FAM83F: variants seen among roughly 807,000 people sequenced by gnomAD.
FAM83F encodes scaffolding CK1 anchoring protein F.
Under a neutral mutation model 42.9 loss-of-function variants are expected in FAM83F, and 45 were observed. That is an observed-to-expected ratio of 1.05 (90% confidence interval 0.83 to 1.35). FAM83F has a LOEUF of 1.35. Ranked by LOEUF, FAM83F falls within the 40% of genes most tolerant of loss-of-function variation. The pLI, the probability that FAM83F is intolerant of heterozygous loss-of-function variation, is 0.00. For synonymous variants in FAM83F, 306 were observed against 298.3 expected, an observed-to-expected ratio of 1.03 and a Z score of -0.27; for missense variants, 617 against 695.9, an observed-to-expected ratio of 0.89 and a Z score of 1.28.
chr22:40,007,575 TC>T (rs1569231172), intron 1 of FAM83F, among the ~76,000 whole-genome samples: 1 of 51,742 alleles, frequency 1.9e-5, no homozygotes, highest in Non-Finnish European at 3.8e-5. Context: ...CCTCCTCCTC[TC>T]CTCTCCTCCT....
chr22:40,018,192 A>T (rs979079163), intron 1 of FAM83F, among the ~76,000 whole-genome samples: 13 of 152,190 alleles, frequency 8.5e-5, no homozygotes, highest in African/African-American at 3.1e-4. Context: ...AGGCCAAGGG[A>T]ATCCAAGCCA....
intron 4 of FAM83F, among the ~76,000 whole-genome samples, chr22:40,025,128 C>T (rs1011372154): frequency 3.9e-5 from 6 of 152,180 alleles, no homozygotes; most frequent in Non-Finnish European, 4.4e-5. Flanking sequence ...CCTTGGTAAA[C>T]ATGCAACGAG....
Position 40,035,406 on chromosome 22 carries a change from T to C in FAM83F, c.*5841T>C, listed in dbSNP as rs536905892. ...AGAAAACCATGCGTCATGATTCTTA[T>C]TTCCTGCTCGCAGCTTTGACTCTCT... On this transcript the variant is annotated 3_prime_UTR_variant, in exon 5 of 5. Transcript: ENST00000333407. 11 of 152,354 alleles carry C rather than the reference T, an allele frequency of 7.2e-5. No homozygotes were observed. Among genetic ancestry groups the C allele is most frequent in the African/African-American group, 2.6e-4 (11 of 41,570 alleles). The allele number at this position is 152,354 out of a possible 1,614,324, so 9.4% of individuals were successfully genotyped here.
Position 40,019,209 on chromosome 22 carries a change from C to A in FAM83F, c.531C>A (p.Ile177=). 1 of 1,614,168 alleles carries A rather than the reference C, an allele frequency of 6.2e-7. No homozygotes were observed. Among genetic ancestry groups the A allele is most frequent in the Non-Finnish European group, 8.5e-7 (1 of 1,180,022 alleles). The change falls in exon 2 of 5, where the codon ATC becomes ATA. Residue 177 remains isoleucine (I), a synonymous_variant. Coordinates refer to ENST00000333407, the MANE Select transcript of FAM83F (RefSeq NM_138435.4). ...TGGACCTCTTCACTGATGGTGATATCTTTCAAGACATTGTGGATGCTGCCT... is the reference window on the plus strand; with the variant it reads ...TGGACCTCTTCACTGATGGTGATATATTTCAAGACATTGTGGATGCTGCCT... ...VVMDLFTDGD[I]FQDIVDAACK... is the part of the protein sequence containing the mutation.
intron 1 of FAM83F, among the ~76,000 whole-genome samples, chr22:40,008,131 A>C (rs1255145308): frequency 1.3e-5 from 2 of 152,128 alleles, no homozygotes; most frequent in Non-Finnish European, 2.9e-5. Context: ...CTATTAGTTC[A>C]AGTTTTGACC....
intron 4 of FAM83F, among the ~76,000 whole-genome samples, chr22:40,028,399 A>C (rs534711263): frequency 1.3e-5 from 2 of 152,322 alleles, no homozygotes; most frequent in Non-Finnish European, 2.9e-5. Flanking sequence ...AGCTGAAGTG[A>C]TACTGGAAGG....
intron 1 of FAM83F, among the ~76,000 whole-genome samples, chr22:39,996,083 G>C (rs2067372478): frequency 6.6e-6 from 1 of 152,186 alleles, no homozygotes; most frequent in African/African-American, 2.4e-5. Context: ...CTAGGCCCCA[G>C]CTGCCTGGAA....
At chr22:40,022,049 T>G in intron 4 of FAM83F, 86 bp downstream of exon 4, 1 of 1,178,590 alleles carries the variant, frequency 8.5e-7, no homozygotes, top group Non-Finnish European at 1.2e-6. Context: ...CACTGCCTCA[T>G]ACCTGCAGAG....
chr22:40,028,690 A>G (rs8141650), intron 4 of FAM83F, among the ~76,000 whole-genome samples: 3,678 of 152,300 alleles, frequency 0.024, 146 homozygotes, highest in African/African-American at 0.084. Flanking sequence ...CTGGGGAAGA[A>G]GAGAAATCAG....
Position 40,019,189 on chromosome 22 carries a change from C to T in FAM83F, c.511C>T (p.Leu171Phe), listed in dbSNP as rs759537189. The T allele has an allele frequency of 1.9e-6, 3 of 1,614,142 alleles. No individual in the cohort carries two copies. The highest frequency in any genetic ancestry group is 1.7e-5 in the Admixed American group (1 of 60,026). The stretch of plus-strand genomic sequence containing the variant: ...CCAGGTCATTGCTGTGGTCATGGAC[C>T]TCTTCACTGATGGTGATATCTTTCA... ...AQKVIAVVMDLFTDGDIFQDI... is the reference protein window; with the variant it reads ...AQKVIAVVMDFFTDGDIFQDI... Residue 171 changes from leucine (L) to phenylalanine (F), a missense_variant, in exon 2 of 5, where the codon CTC becomes TTC. Transcript: ENST00000333407.
In FAM83F at chr22:40,032,011, G is replaced by A; in HGVS notation, c.*2446G>A. ...GTCTCTTACTCATCAAATCTCAAGG[G>A]TACATCTGGCCCTCCCAGTTGGATG... On this transcript the variant is annotated 3_prime_UTR_variant, in exon 5 of 5. Transcript: ENST00000333407. The A allele has an allele frequency of 6.6e-6, 1 of 152,394 alleles. No homozygotes were observed. Among genetic ancestry groups the A allele is most frequent in the Non-Finnish European group, 1.5e-5 (1 of 68,114 alleles). 9.4% of individuals were successfully genotyped at this position (152,394 alleles called of 1,614,324 possible).
chr22:40,011,145 TGTATCCTTGAAAA>T (rs1398933341), intron 1 of FAM83F, among the ~76,000 whole-genome samples: 4 of 152,230 alleles, frequency 2.6e-5, no homozygotes, highest in Non-Finnish European at 5.9e-5. Flanking sequence ...CAGACATCTT[TGTATCCTTGAAAA>T]GTATGCAGTG....
At chr22:40,002,078 C>T (rs963910134) in intron 1 of FAM83F, among the ~76,000 whole-genome samples, 1 of 152,192 alleles carries the variant, frequency 6.6e-6, no homozygotes. Flanking sequence ...GAATCCTCAG[C>T]CCAGGATCTA....
At position 40,012,601 on chromosome 22, in the gene FAM83F, C is replaced by T. The variant is rs1266719912; in HGVS notation, c.490-6567C>T. ...CCTGGCCAACATGGTGAAACCCTGT[C>T]TCTACTAAAAATACAAAAATTAGCT... On this transcript the variant is annotated intron_variant, in intron 1 of 4. Transcript: ENST00000333407. Among the ~76,000 whole-genome samples, 2 of 151,442 alleles carry T rather than the reference C, an allele frequency of 1.3e-5. 1 individual carries two copies. The highest frequency in any genetic ancestry group is 4.2e-4 in the South Asian group (2 of 4,782).
chr22:40,026,479 C>T (rs2067553433), intron 4 of FAM83F, among the ~76,000 whole-genome samples: 2 of 152,062 alleles, frequency 1.3e-5, no homozygotes, highest in East Asian at 1.9e-4. Context: ...GAGATCACAC[C>T]ACTGCACTCC....
chr22:40,027,349 C>T (rs908693577), intron 4 of FAM83F, among the ~76,000 whole-genome samples: 1 of 152,264 alleles, frequency 6.6e-6, no homozygotes, highest in South Asian at 2.1e-4. Context: ...TCCCGCACCA[C>T]CTCACCTGCC....
chr22:40,039,897 A>C lies in FAM83F; in HGVS notation c.*10332A>C, dbSNP rs899727558. On this transcript the variant is annotated 3_prime_UTR_variant, in exon 5 of 5. Transcript: ENST00000333407. ...AGATGAGCTTAGAGAAATGAATTTCAGTAGAGTTAGGGCTAGAAGCCAGGT... is the reference window on the plus strand; with the variant it reads ...AGATGAGCTTAGAGAAATGAATTTCCGTAGAGTTAGGGCTAGAAGCCAGGT... 6.6e-6 allele frequency: 1 copy of C among 152,282 alleles called. No individual in the cohort carries two copies. Among genetic ancestry groups the C allele is most frequent in the East Asian group, 1.9e-4 (1 of 5,204 alleles). The allele number at this position is 152,282 out of a possible 1,614,324, so 9.4% of individuals were successfully genotyped here. A position where few individuals can be genotyped will look rare whatever the true frequency, so the allele number is the denominator to read the frequency against.
rs970141945 is a variant in FAM83F at position 40,034,301 on chromosome 22, G to C, written c.*4736G>C. 5.9e-5 allele frequency: 9 copies of C among 152,304 alleles called. No individual in the cohort carries two copies. The highest frequency in any genetic ancestry group is 2.2e-4 in the African/African-American group (9 of 41,444). 9.4% of individuals were successfully genotyped at this position (152,304 alleles called of 1,614,324 possible). ...GATCGTCTGCACTGCTGTTCCAGGGGCAGGAGGTTTGCTGCAAATCAGGTA... is the reference window on the plus strand; with the variant it reads ...GATCGTCTGCACTGCTGTTCCAGGGCCAGGAGGTTTGCTGCAAATCAGGTA... On this transcript the variant is annotated 3_prime_UTR_variant, in exon 5 of 5. Coordinates refer to ENST00000333407, the MANE Select transcript of FAM83F (RefSeq NM_138435.4).
chr22:40,043,520 T>C lies in FAM83F; in HGVS notation c.*13955T>C, dbSNP rs2067661884. The C allele has an allele frequency of 6.6e-6, 1 of 152,230 alleles. No individual in the cohort carries two copies. Among genetic ancestry groups the C allele is most frequent in the African/African-American group, 2.4e-5 (1 of 41,444 alleles). The allele number at this position is 152,230 out of a possible 1,614,324, so 9.4% of individuals were successfully genotyped here. A position where few individuals can be genotyped will look rare whatever the true frequency, so the allele number is the denominator to read the frequency against. On this transcript the variant is annotated 3_prime_UTR_variant, in exon 5 of 5. Coordinates refer to ENST00000333407, the MANE Select transcript of FAM83F (RefSeq NM_138435.4). ...GTTCTCTTTGCATGCAATAAATTAT[T>C]CATTTCTAAGACGATTTATTCTGTC...
Sources: gnomAD v4.1 joint callset for allele counts (sites outside exome capture counted in the v4.1 genomes callset) on GRCh38, gnomAD v4.1.1 for gene constraint, MANE v1.5 for transcripts, NCBI Gene and HGNC (gene_info 2026-07-23, HGNC 2026-07-21) for gene names.